Variants in SLC25A21 observed in about 807,000 individuals in gnomAD.
SLC25A21 encodes solute carrier family 25 member 21.
In SLC25A21, 47 loss-of-function variants were observed where a neutral mutation model predicts 43.8. The observed-to-expected ratio is 1.07, with a 90% CI of 0.85 to 1.37. SLC25A21 has a LOEUF of 1.37. Among genes scored for constraint, SLC25A21 ranks in the 40% most tolerant of loss-of-function variants. SLC25A21 has a pLI of 0.00. For missense variants in SLC25A21, 352 were observed against 350.2 expected, an observed-to-expected ratio of 1.00 and a Z score of -0.04; for synonymous variants, 131 against 121.3, an observed-to-expected ratio of 1.08 and a Z score of -0.52.
chr14:36,801,020 C>T (rs1031632922), intron 3 of SLC25A21, among the ~76,000 whole-genome samples: 12 of 152,230 alleles, frequency 7.9e-5, no homozygotes, highest in Admixed American at 7.2e-4. Flanking sequence ...GGGTTTTAGG[C>T]TTCGTTAGGG....
chr14:36,722,390 A>C (rs1032820831), intron 6 of SLC25A21, among the ~76,000 whole-genome samples: 1 of 152,158 alleles, frequency 6.6e-6, no homozygotes, highest in African/African-American at 2.4e-5. Flanking sequence ...AAACTCATAG[A>C]AGGTACAGCA....
Position 36,680,024 on chromosome 14 carries a change from A to G in SLC25A21, c.*634T>C. The G allele has an allele frequency of 1.2e-6, 1 of 867,488 alleles. No homozygotes were observed. The highest frequency in any genetic ancestry group is 1.4e-6 in the Non-Finnish European group (1 of 723,862). The allele number at this position is 867,488 out of a possible 1,614,324, so 53.7% of individuals were successfully genotyped here. ...ATTTATTATCTTACAGCAATATGAG[A>G]TATAAAGTAGATGTAGGAAAATAGA... is the stretch of plus-strand genomic sequence containing the variant. On this transcript the variant is annotated 3_prime_UTR_variant, in exon 10 of 10. Coordinates refer to ENST00000331299, the MANE Select transcript of SLC25A21 (RefSeq NM_030631.4).
intron 1 of SLC25A21, among the ~76,000 whole-genome samples, chr14:37,040,365 G>A (rs1467249091): frequency 5.8e-5 from 2 of 34,712 alleles, no homozygotes; most frequent in African/African-American, 4.7e-4. Context: ...AAGAAAGAGA[G>A]AGAGAGAGAG....
intron 1 of SLC25A21, among the ~76,000 whole-genome samples, chr14:37,048,377 C>T (rs565317413): frequency 1.3e-4 from 19 of 151,964 alleles, no homozygotes; most frequent in South Asian, 1.0e-3. Context: ...CATCATAAAC[C>T]GGGTTATGTA....
intron 1 of SLC25A21, among the ~76,000 whole-genome samples, chr14:37,031,662 T>C (rs543341137): frequency 1.3e-3 from 199 of 152,326 alleles, no homozygotes; most frequent in Non-Finnish European, 2.4e-3. Context: ...AGTTCAGCCA[T>C]AAATTTAACC....
At chr14:37,052,678 T>C (rs1961734955) in intron 1 of SLC25A21, among the ~76,000 whole-genome samples, 1 of 151,724 alleles carries the variant, frequency 6.6e-6, no homozygotes. Flanking sequence ...TTACTCTGTC[T>C]CCCAGACTGG....
chr14:36,961,517 G>A (rs549822036), intron 1 of SLC25A21, among the ~76,000 whole-genome samples: 2 of 152,276 alleles, frequency 1.3e-5, no homozygotes, highest in East Asian at 1.9e-4. Context: ...CCTGGAAGAC[G>A]CTTTAAAAAG....
At chr14:36,845,925 T>C (rs1446289349) in intron 2 of SLC25A21, among the ~76,000 whole-genome samples, 5 of 152,228 alleles carry the variant, frequency 3.3e-5, no homozygotes, top group African/African-American at 4.8e-5. Context: ...AGATGATTCA[T>C]TTTTAATGCG....
intron 1 of SLC25A21, among the ~76,000 whole-genome samples, chr14:37,051,353 C>G (rs1034053225): frequency 6.6e-6 from 1 of 152,092 alleles, no homozygotes; most frequent in Admixed American, 6.5e-5. Context: ...AAATGGGAAA[C>G]GTGACTCATG....
chr14:36,751,965 G>A (rs1321397729), intron 3 of SLC25A21, among the ~76,000 whole-genome samples: 2 of 146,438 alleles, frequency 1.4e-5, no homozygotes, highest in African/African-American at 5.5e-5. Context: ...ATTCATTCAT[G>A]CATTCATCTG....
chr14:36,757,731 T>A (rs1885990483), intron 3 of SLC25A21, among the ~76,000 whole-genome samples: 1 of 152,244 alleles, frequency 6.6e-6, no homozygotes, highest in African/African-American at 2.4e-5. Flanking sequence ...TGTAAAGGCA[T>A]AACCTCCAGA....
At chr14:36,731,208 C>T (rs2139222851) in intron 4 of SLC25A21, among the ~76,000 whole-genome samples, 1 of 152,256 alleles carries the variant, frequency 6.6e-6, no homozygotes, top group East Asian at 1.9e-4. Context: ...CTCCTGACCT[C>T]GTGATCCGAC....
intron 1 of SLC25A21, among the ~76,000 whole-genome samples, chr14:36,956,881 G>T (rs1464870312): frequency 6.6e-6 from 1 of 152,296 alleles, no homozygotes; most frequent in Non-Finnish European, 1.5e-5. Context: ...GATTGGCCAT[G>T]ATGATAAAGA....
At position 36,801,514 on chromosome 14, in the gene SLC25A21, T is replaced by C. The variant is rs193085648; in HGVS notation, c.203+12404A>G. Among the ~76,000 whole-genome samples the C allele has an allele frequency of 9.9e-4, 151 of 152,280 alleles. 1 individual carries two copies. Among genetic ancestry groups the C allele is most frequent in the African/African-American group, 3.5e-3 (144 of 41,564 alleles). On this transcript the variant is annotated intron_variant, in intron 3 of 9. Coordinates refer to ENST00000331299, the MANE Select transcript of SLC25A21 (RefSeq NM_030631.4). The stretch of plus-strand genomic sequence containing the variant: ...ATCCTGGGTGAATGTGGAACTTACT[T>C]CTCTACGCTTCCTTCCCTCAGGTCT...
chr14:36,895,451 C>T (rs1251532079), intron 1 of SLC25A21, among the ~76,000 whole-genome samples: 2 of 152,098 alleles, frequency 1.3e-5, no homozygotes, highest in African/African-American at 4.8e-5. Flanking sequence ...ATTAGTCTTG[C>T]TAGCAGTCTA....
intron 4 of SLC25A21, among the ~76,000 whole-genome samples, chr14:36,733,565 C>G (rs1019452483): frequency 6.6e-6 from 1 of 152,088 alleles, no homozygotes; most frequent in African/African-American, 2.4e-5. Context: ...AATTTTTAAT[C>G]CAGTCACCCT....
chr14:36,901,193 G>C (rs1891388745), intron 1 of SLC25A21, among the ~76,000 whole-genome samples: 1 of 152,176 alleles, frequency 6.6e-6, no homozygotes, highest in African/African-American at 2.4e-5. Flanking sequence ...CAAGATTTAG[G>C]AATGGATCTT....
chr14:37,127,308 G>A (rs1376088400), intron 1 of SLC25A21, among the ~76,000 whole-genome samples: 3 of 152,082 alleles, frequency 2.0e-5, no homozygotes, highest in East Asian at 3.9e-4. Flanking sequence ...TCTAATCAAG[G>A]GATGTCTCAC....
At chr14:36,729,240 A>G (rs17105135) in intron 5 of SLC25A21, among the ~76,000 whole-genome samples, 3,535 of 152,338 alleles carry the variant, frequency 0.023, 156 homozygotes, top group African/African-American at 0.081. Flanking sequence ...AGTCTTTGAT[A>G]AATGTACTCT....
Sources: allele counts gnomAD v4.1 joint callset (sites outside exome capture counted in the v4.1 genomes callset), GRCh38; gene constraint gnomAD v4.1.1; transcripts MANE v1.5; gene names NCBI Gene and HGNC (gene_info 2026-07-23, HGNC 2026-07-21).